TRMT11: variants seen among roughly 807,000 people sequenced by gnomAD.
The protein encoded by TRMT11 is tRNA (guanine(10)-N(2))-methyltransferase TRMT11.
A neutral mutation model predicts 62.8 loss-of-function variants in TRMT11; 53 were observed. That is an observed-to-expected ratio of 0.84 (90% CI 0.68 to 1.06). The LOEUF (loss-of-function observed/expected upper bound fraction) is 1.06. Ranked by LOEUF, TRMT11 falls within the 50% of genes least tolerant of loss-of-function variation. The pLI is 0.00. For synonymous variants in TRMT11, 188 were observed against 190.3 expected, an observed-to-expected ratio of 0.99 and a Z score of 0.10; for missense variants, 556 against 553.4, an observed-to-expected ratio of 1.00 and a Z score of -0.05.
intron 21 of TRMT11, among the ~76,000 whole-genome samples, chr6:126,119,370 A>C (rs1777623713): frequency 6.6e-6 from 1 of 152,030 alleles, no homozygotes. Context: ...CTGTGGATGA[A>C]ACCTGGCCTC....
chr6:126,208,263 C>T (rs965044005), downstream of TRMT11, among the ~76,000 whole-genome samples: 3 of 152,048 alleles, frequency 2.0e-5, no homozygotes, highest in African/African-American at 7.2e-5. Context: ...TTTTTCCTAC[C>T]TCAAATCCTA....
intron 17 of TRMT11, among the ~76,000 whole-genome samples, chr6:126,091,668 G>T (rs1777278994): frequency 2.0e-5 from 3 of 152,132 alleles, no homozygotes; most frequent in African/African-American, 7.2e-5. Context: ...TAGGTCCTTT[G>T]TGCTGATGCT....
rs967037314 is a variant in TRMT11, at chr6:126,115,563, A to G, written c.*1710+70A>G. 3.3e-5 allele frequency among the ~76,000 whole-genome samples: 5 copies of G among 152,150 alleles called. 1 individual carries two copies. Among genetic ancestry groups the G allele is most frequent in the Non-Finnish European group, 1.5e-5 (1 of 68,008 alleles). ...CTTAGTATCCCTGCCCAAGTCTGAA[A>G]ATATTTATATTGCTATTTAATCAGA... is the stretch of plus-strand genomic sequence containing the variant. On this transcript the variant is annotated intron_variant and NMD_transcript_variant, in intron 20 of 22. Transcript: ENST00000648977.
At chr6:126,251,814 C>T in the TRMT11 span, among the ~76,000 whole-genome samples, 1 of 152,218 alleles carries the variant, frequency 6.6e-6, no homozygotes, top group South Asian at 2.1e-4. Context: ...TCTTTATCCT[C>T]TGTGCCATTC....
the TRMT11 span, among the ~76,000 whole-genome samples, chr6:126,235,061 T>C: frequency 6.6e-6 from 1 of 152,134 alleles, no homozygotes. Flanking sequence ...CAGATATTTC[T>C]CAAAAGAAGA....
intron 21 of TRMT11, among the ~76,000 whole-genome samples, chr6:126,127,850 C>G (rs111244942): frequency 0.012 from 1,755 of 152,038 alleles, 36 homozygotes; most frequent in African/African-American, 0.039. Flanking sequence ...TGGATGACCA[C>G]TTGGTGGGGA....
intron 21 of TRMT11, among the ~76,000 whole-genome samples, chr6:126,164,138 G>A (rs1778231474): frequency 6.6e-6 from 1 of 152,140 alleles, no homozygotes; most frequent in Non-Finnish European, 1.5e-5. Flanking sequence ...TCTAAACACT[G>A]CTTTAGCTGC....
chr6:126,235,704 A>T, the TRMT11 span, among the ~76,000 whole-genome samples: 1 of 152,124 alleles, frequency 6.6e-6, no homozygotes, highest in Non-Finnish European at 1.5e-5. Flanking sequence ...CTGTTGGAGG[A>T]TGGGGATTGG....
intron 17 of TRMT11, among the ~76,000 whole-genome samples, chr6:126,093,566 T>C (rs1777298166): frequency 7.9e-6 from 1 of 126,200 alleles, no homozygotes; most frequent in African/African-American, 2.8e-5. Context: ...TACTCTAGTG[T>C]AGGTAACAGG....
chr6:126,042,199 A>T (rs1057395259), downstream of TRMT11, among the ~76,000 whole-genome samples: 1 of 152,212 alleles, frequency 6.6e-6, no homozygotes, highest in African/African-American at 2.4e-5. Flanking sequence ...ATAGAATCAT[A>T]GAGACCAGCA....
At chr6:126,075,437 TC>T (rs1328268929) in intron 17 of TRMT11, among the ~76,000 whole-genome samples, 1 of 151,890 alleles carries the variant, frequency 6.6e-6, no homozygotes, top group Non-Finnish European at 1.5e-5. Flanking sequence ...GATAGTGAGT[TC>T]TCATGAGATC....
chr6:126,245,393 A>G, the TRMT11 span, among the ~76,000 whole-genome samples: 1 of 152,396 alleles, frequency 6.6e-6, no homozygotes, highest in South Asian at 2.1e-4. Flanking sequence ...GTAAGATGGC[A>G]TAGAATCTAC....
chr6:126,147,238 T>C (rs1777984345), intron 21 of TRMT11, among the ~76,000 whole-genome samples: 1 of 152,186 alleles, frequency 6.6e-6, no homozygotes, highest in Non-Finnish European at 1.5e-5. Context: ...TTTTTGTGGA[T>C]TTTTTCGTTC....
intron 2 of TRMT11, 25 bp downstream of exon 2, chr6:125,993,847 T>C (rs1360795319): frequency 4.0e-5 from 58 of 1,448,390 alleles, no homozygotes; most frequent in Non-Finnish European, 4.7e-5. Flanking sequence ...CATTAGACCA[T>C]ATGGAGTATA....
At chr6:126,269,250 C>T in the TRMT11 span, among the ~76,000 whole-genome samples, 78 of 118,266 alleles carry the variant, frequency 6.6e-4, no homozygotes, top group South Asian at 1.2e-3. Flanking sequence ...GGCGACAGAG[C>T]GAGACTCCGT....
At chr6:126,260,673 A>G in the TRMT11 span, among the ~76,000 whole-genome samples, 5 of 152,028 alleles carry the variant, frequency 3.3e-5, no homozygotes, top group Non-Finnish European at 5.9e-5. Flanking sequence ...TTTCTCTTTT[A>G]TTTCTGAATA....
At chr6:126,094,588 A>G (rs1400900190) in intron 17 of TRMT11, among the ~76,000 whole-genome samples, 1 of 152,188 alleles carries the variant, frequency 6.6e-6, no homozygotes, top group Non-Finnish European at 1.5e-5. Context: ...CATTTCCTTT[A>G]GTCTCAGAGG....
the TRMT11 span, among the ~76,000 whole-genome samples, chr6:126,223,277 T>C: frequency 0.11 from 16,882 of 151,826 alleles, 3,125 homozygotes; most frequent in African/African-American, 0.38. Flanking sequence ...AAAAATTAGC[T>C]GGGCATGGTG....
intron 1 of TRMT11, among the ~76,000 whole-genome samples, chr6:126,178,816 G>T (rs1778422110): frequency 6.6e-6 from 1 of 152,032 alleles, no homozygotes; most frequent in Non-Finnish European, 1.5e-5. Flanking sequence ...AAGCGGTTGG[G>T]AGTTACATTA....
Sources: allele counts gnomAD v4.1 joint callset (sites outside exome capture counted in the v4.1 genomes callset), GRCh38; gene constraint gnomAD v4.1.1; transcripts MANE v1.5; gene names NCBI Gene and HGNC (gene_info 2026-07-23, HGNC 2026-07-21).